NOP56: variants seen among roughly 807,000 people sequenced by gnomAD.
NOP56 encodes nucleolar protein 56.
NOP56 carries 31 observed loss-of-function variants against 58.3 expected under a neutral mutation model. The ratio of observed to expected loss-of-function variants is 0.53; its 90% CI spans 0.40 to 0.72. NOP56 has a LOEUF of 0.72. Ranked by LOEUF, NOP56 falls within the 30% of genes least tolerant of loss-of-function variation. The pLI is 0.00. For missense variants in NOP56, 669 were observed against 739.9 expected (o/e 0.90, Z 1.11); for synonymous variants, 313 against 282.8 (o/e 1.11, Z -1.07).
intron 11 of NOP56, 121 bp from the exon 12 acceptor site, chr20:2,657,804 CAATT>C: frequency 9.0e-7 from 1 of 1,108,256 alleles, no homozygotes; most frequent in East Asian, 2.4e-5. Context: ...TATACCCACA[CAATT>C]AAACTATCCC....
chr20:2,657,438 T>C (rs1330753375), intron 11 of NOP56: 2 of 741,078 alleles, frequency 2.7e-6, no homozygotes, highest in Non-Finnish European at 4.9e-6. Context: ...ACCCGTTCCC[T>C]GGGCATGTGT....
rs781343694 is a variant in NOP56 at position 2,654,512 on chromosome 20, G to T, written c.307G>T (p.Ala103Ser). ...LGVGDPKIGA[A>S]IQEELGYNCQ... is the part of the protein sequence containing the mutation. ...AGTTGGGGATCCCAAGATTGGTGCC[G>T]CAATACAGGAGGAGTTAGGGTACAA... The change falls in exon 4 of 12, where the codon GCA (alanine) becomes TCA (serine). Residue 103 changes from alanine to serine, a missense_variant. Ala to Ser is a moderately conservative substitution (Grantham distance 99). Coordinates refer to ENST00000329276, the MANE Select transcript of NOP56 (RefSeq NM_006392.4). 5 of 1,614,066 alleles carry T rather than the reference G, an allele frequency of 3.1e-6. No individual in the cohort carries two copies. In the African/African-American group the frequency reaches 5.3e-5, roughly 17 times the overall value.
rs2086767184 is a variant in NOP56, at chr20:2,652,840, A to G, written c.4-2A>G. 2 of 1,610,098 alleles carry G rather than the reference A, an allele frequency of 1.2e-6. No homozygotes were observed. The highest frequency in any genetic ancestry group is 1.7e-6 in the Non-Finnish European group (2 of 1,178,776). The stretch of plus-strand genomic sequence containing the variant: ...ACGCTCGCGCCCCGGCTCCCGTTCC[A>G]GGTGCTGTTGCACGTGCTGTTTGAG... On this transcript the variant is annotated splice_acceptor_variant, in intron 1 of 11. Coordinates refer to ENST00000329276, the MANE Select transcript of NOP56 (RefSeq NM_006392.4). LOFTEE classifies it high-confidence loss of function.
rs1387630174 is a variant in NOP56, at chr20:2,656,805, T to G, written c.1191T>G (p.Leu397=). ...CCACGAGTGTATTCGGGGAGAAGCTTCGAGAACAAGTTGAAGAGCGACTGT... is the reference window on the plus strand; with the variant it reads ...CCACGAGTGTATTCGGGGAGAAGCTGCGAGAACAAGTTGAAGAGCGACTGT... ...EVPTSVFGEK[L]REQVEERLSF... is the part of the protein sequence containing the mutation. The change falls in exon 10 of 12, where the codon CTT becomes CTG. Residue 397 remains leucine, a synonymous_variant. Transcript: ENST00000329276. 23 of 1,613,872 alleles carry G rather than the reference T, an allele frequency of 1.4e-5. No homozygotes were observed. The highest frequency in any genetic ancestry group is 1.9e-5 in the Non-Finnish European group (22 of 1,180,004).
Position 2,657,158 on chromosome 20 carries a change from G to A in NOP56, c.1359G>A (p.Arg453=), listed in dbSNP as rs760995038. The A allele has an allele frequency of 6.2e-7, 1 of 1,614,150 alleles. No homozygotes were observed. Residue 453 remains arginine (R), a synonymous_variant, in exon 11 of 12, where the codon CGG becomes CGA. Coordinates refer to ENST00000329276, the MANE Select transcript of NOP56 (RefSeq NM_006392.4). ...AACGCTTAAAGAAGGAAAAGAAACGGCTGGCTGCACTTGCCCTCGCGTCTT... is the reference window on the plus strand; with the variant it reads ...AACGCTTAAAGAAGGAAAAGAAACGACTGGCTGCACTTGCCCTCGCGTCTT... ...EKKRLKKEKK[R]LAALALASSE... is the part of the protein sequence containing the mutation.
chr20:2,655,808 C>T, intron 7 of NOP56, 62 bp downstream of exon 7: 2 of 1,611,830 alleles, frequency 1.2e-6, no homozygotes, highest in African/African-American at 1.3e-5. Context: ...ACCTGCACTG[C>T]TGTATTTCGT....
At position 2,652,680 on chromosome 20, in the gene NOP56, G is replaced by T. The variant is rs777948479; in HGVS notation, c.3+17G>T. 4.5e-6 allele frequency: 3 copies of T among 671,394 alleles called. No individual in the cohort carries two copies. Among genetic ancestry groups the T allele is most frequent in the Non-Finnish European group, 3.9e-6 (2 of 513,370 alleles). The allele number at this position is 671,394 out of a possible 1,614,324, so 41.6% of individuals were successfully genotyped here. On this transcript the variant is annotated intron_variant, in intron 1 of 11. Coordinates refer to ENST00000329276, the MANE Select transcript of NOP56 (RefSeq NM_006392.4). ...GGCGCCATGGTGAGGAGTGGTTGCGGGGCGCGGGCGACGCGACGGTGGGGG... is the reference window on the plus strand; with the variant it reads ...GGCGCCATGGTGAGGAGTGGTTGCGTGGCGCGGGCGACGCGACGGTGGGGG...
rs780966704 is a variant in NOP56 at position 2,657,119 on chromosome 20, G to A, written c.1320G>A (p.Glu440=). 2 of 1,611,288 alleles carry A rather than the reference G, an allele frequency of 1.2e-6. No homozygotes were observed. Among genetic ancestry groups the A allele is most frequent in the East Asian group, 2.2e-5 (1 of 44,716 alleles). Residue 440 remains glutamate, a synonymous_variant, in exon 11 of 12, where the codon GAG becomes GAA. Coordinates refer to ENST00000329276, the MANE Select transcript of NOP56 (RefSeq NM_006392.4). ...CTGCTGAGATTACTAGGAAGCTGGA[G>A]AAACAGGAGAAGAAACGCTTAAAGA... ...EAAAEITRKL[E]KQEKKRLKKE...
chr20:2,655,388 C>T lies in NOP56; in HGVS notation c.633C>T (p.Cys211=). The T allele has an allele frequency of 6.2e-7, 1 of 1,614,128 alleles. No individual in the cohort carries two copies. The highest frequency in any genetic ancestry group is 1.1e-5 in the South Asian group (1 of 91,080). Residue 211 remains cysteine, a synonymous_variant, in exon 6 of 12, where the codon TGC becomes TGT. Coordinates refer to ENST00000329276, the MANE Select transcript of NOP56 (RefSeq NM_006392.4). ...VKIINDNATY[C]RLAQFIGNRR... The stretch of plus-strand genomic sequence containing the variant: ...TCATCAACGACAATGCCACATACTG[C>T]CGTCTTGCCCAGTTTATTGGAAACC...
At chr20:2,655,101 CACTG>C (rs1568541589) in intron 5 of NOP56, 154 bp downstream of exon 5, 3 of 1,084,700 alleles carry the variant, frequency 2.8e-6, no homozygotes, top group South Asian at 1.3e-5. Context: ...TGTGTTCTTA[CACTG>C]ACTGTATAGA....
chr20:2,655,962 G>A lies in NOP56; in HGVS notation c.938G>A (p.Gly313Asp). ...GGTGCACGTCTCATCGCACATGCTG[G>A]CAGCCTCACCAACCTGGCCAAGTAT... ...AVGARLIAHA[G>D]SLTNLAKYPA... Residue 313 changes from glycine to aspartate, a missense_variant, in exon 8 of 12, where the codon GGC becomes GAC. Physicochemically the swap from Gly to Asp is moderately conservative, Grantham distance 94. This residue lies in a region of NOP56 where 339 missense variants were observed against 430.5 expected (regional missense o/e 0.79). Coordinates refer to ENST00000329276, the MANE Select transcript of NOP56 (RefSeq NM_006392.4). The A allele has an allele frequency of 6.2e-7, 1 of 1,614,152 alleles. No homozygotes were observed. Among genetic ancestry groups the A allele is most frequent in the Non-Finnish European group, 8.5e-7 (1 of 1,180,024 alleles).
intron 8 of NOP56, 88 bp from the exon 9 acceptor site, chr20:2,656,313 C>G: frequency 6.2e-7 from 1 of 1,603,850 alleles, no homozygotes; most frequent in Non-Finnish European, 8.5e-7. Flanking sequence ...CTCAGGACTT[C>G]GGGGTGAGAG....
Position 2,657,914 on chromosome 20 carries a change from T to A in NOP56, c.1420-15T>A. 1 of 1,562,916 alleles carries A rather than the reference T, an allele frequency of 6.4e-7. No individual in the cohort carries two copies. Among genetic ancestry groups the A allele is most frequent in the South Asian group, 1.2e-5 (1 of 83,002 alleles). On this transcript the variant is annotated splice_polypyrimidine_tract_variant and intron_variant, in intron 11 of 11. Transcript: ENST00000329276. Reference sequence around the variant, plus strand: ...GCACTGTTCTCACAGCCTGTTCCCCTGTCCTTCCCTTTAGGAGATGAGTGA... The same window carrying A: ...GCACTGTTCTCACAGCCTGTTCCCCAGTCCTTCCCTTTAGGAGATGAGTGA...
rs751447208 is a variant in NOP56 at position 2,655,364 on chromosome 20, C to T, written c.609C>T (p.Ile203=). 6.2e-7 allele frequency: 1 copy of T among 1,613,978 alleles called. No homozygotes were observed. The highest frequency in any genetic ancestry group is 2.2e-5 in the East Asian group (1 of 44,890). Residue 203 remains isoleucine (I), a synonymous_variant, in exon 6 of 12, where the codon ATC becomes ATT. Coordinates refer to ENST00000329276, the MANE Select transcript of NOP56 (RefSeq NM_006392.4). ...YGYHFPELVK[I]INDNATYCRL... is the part of the protein sequence containing the mutation. ...ATCACTTTCCGGAGCTGGTGAAGAT[C>T]ATCAACGACAATGCCACATACTGCC...
chr20:2,652,709 C>G, intron 1 of NOP56, 46 bp downstream of exon 1: 1 of 1,460,472 alleles, frequency 6.8e-7, no homozygotes, highest in South Asian at 1.4e-5. Context: ...GTGGGGGTTT[C>G]GGCCTGCGTT....
chr20:2,653,421 G>C (rs762083484), intron 3 of NOP56, 28 bp downstream of exon 3: 3 of 1,575,500 alleles, frequency 1.9e-6, no homozygotes, highest in Non-Finnish European at 2.6e-6. Flanking sequence ...AAGTGTCACA[G>C]AGAGATGTGG....
chr20:2,655,317 CT>C lies in NOP56; in HGVS notation c.570-5del. The C allele has an allele frequency of 6.2e-7, 1 of 1,614,188 alleles. No individual in the cohort carries two copies. Among genetic ancestry groups the C allele is most frequent in the Non-Finnish European group, 8.5e-7 (1 of 1,180,032 alleles). On this transcript the variant is annotated splice_region_variant and splice_polypyrimidine_tract_variant and intron_variant, in intron 5 of 11. Transcript: ENST00000329276. ...GCTGGGCCAGGGAGTGACTGTGGCT[CT>C]TTGCAGGGAGTGGTACGGGTATCAC...
intron 8 of NOP56, 45 bp from the exon 9 acceptor site, chr20:2,656,356 G>T: frequency 6.2e-7 from 1 of 1,612,824 alleles, no homozygotes. Context: ...TGGCTAATGG[G>T]GTTGAAATTT....
At position 2,655,313 on chromosome 20, in the gene NOP56, G is replaced by C; in HGVS notation, c.570-12G>C. On this transcript the variant is annotated splice_polypyrimidine_tract_variant and intron_variant, in intron 5 of 11. Transcript: ENST00000329276. Reference sequence around the variant, plus strand: ...AGCAGCTGGGCCAGGGAGTGACTGTGGCTCTTTGCAGGGAGTGGTACGGGT... The same window carrying C: ...AGCAGCTGGGCCAGGGAGTGACTGTCGCTCTTTGCAGGGAGTGGTACGGGT... The C allele has an allele frequency of 6.2e-7, 1 of 1,614,182 alleles. No individual in the cohort carries two copies. Among genetic ancestry groups the C allele is most frequent in the Non-Finnish European group, 8.5e-7 (1 of 1,180,028 alleles).
Sources: gnomAD v4.1 joint callset for allele counts on GRCh38, gnomAD v4.1.1 for gene constraint, gnomAD v4.1.1 regional missense constraint, MANE v1.5 for transcripts, NCBI Gene and HGNC (gene_info 2026-07-23, HGNC 2026-07-21) for gene names.